GALNTL6: variants seen among roughly 807,000 people sequenced by gnomAD.
The protein encoded by GALNTL6 is polypeptide N-acetylgalactosaminyltransferase-like 6.
A neutral mutation model predicts 73.7 loss-of-function variants in GALNTL6; 46 were observed. The observed-to-expected ratio is 0.62, with a 90% CI of 0.49 to 0.80. The LOEUF is 0.80. GALNTL6 is among the 30% of genes least tolerant of loss of function. The probability of loss-of-function intolerance (pLI) is 0.00; values close to 1 mark genes in which losing one functional copy is unlikely to be tolerated. For missense variants in GALNTL6, 604 were observed against 755.0 expected, an observed-to-expected ratio of 0.80 and a Z score of 2.34; for synonymous variants, 259 against 263.7, an observed-to-expected ratio of 0.98 and a Z score of 0.17.
chr4:172,936,820 CAT>C (rs1748642636), intron 9 of GALNTL6, among the ~76,000 whole-genome samples: 1 of 151,990 alleles, frequency 6.6e-6, no homozygotes, highest in South Asian at 2.1e-4. Context: ...AGTCAAATCT[CAT>C]AAAAGCCAAA....
chr4:172,959,581 G>A (rs914653717), intron 10 of GALNTL6, among the ~76,000 whole-genome samples: 12 of 151,914 alleles, frequency 7.9e-5, no homozygotes, highest in African/African-American at 2.4e-4. Flanking sequence ...CCTGAAGATC[G>A]GCATCCTTGA....
chr4:172,127,626 CTAAG>C (rs796686576), intron 2 of GALNTL6, among the ~76,000 whole-genome samples: 2 of 152,140 alleles, frequency 1.3e-5, no homozygotes, highest in South Asian at 4.1e-4. Context: ...AGGTGATCAC[CTAAG>C]TAAGAATCTG....
chr4:172,250,743 A>C (rs1032505272), intron 3 of GALNTL6, among the ~76,000 whole-genome samples: 10 of 152,184 alleles, frequency 6.6e-5, no homozygotes, highest in Non-Finnish European at 1.5e-4. Context: ...TAAATTACCC[A>C]GTCTCAGGTA....
At chr4:172,165,943 G>A (rs988871052) in intron 2 of GALNTL6, among the ~76,000 whole-genome samples, 5 of 151,960 alleles carry the variant, frequency 3.3e-5, no homozygotes, top group South Asian at 2.1e-4. Context: ...AAAAAAAATA[G>A]CATGTATACA....
chr4:171,845,315 A>G (rs760098389), intron 2 of GALNTL6, among the ~76,000 whole-genome samples: 1 of 152,184 alleles, frequency 6.6e-6, no homozygotes, highest in Admixed American at 6.5e-5. Flanking sequence ...ATCAAAGTTG[A>G]CCGTAGGAAT....
chr4:171,892,650 C>A (rs1736795017), intron 2 of GALNTL6, among the ~76,000 whole-genome samples: 1 of 152,064 alleles, frequency 6.6e-6, no homozygotes, highest in Admixed American at 6.6e-5. Context: ...CAGCCTTGAA[C>A]TCCTGGGCTC....
chr4:171,942,237 A>AATAG (rs1425245326), intron 2 of GALNTL6, among the ~76,000 whole-genome samples: 64 of 146,462 alleles, frequency 4.4e-4, no homozygotes, highest in Admixed American at 1.4e-3. Context: ...ATAAAAAATA[A>AATAG]ATAGATAAAT....
At chr4:172,548,979 A>G (rs1343993081) in intron 5 of GALNTL6, among the ~76,000 whole-genome samples, 2 of 152,078 alleles carry the variant, frequency 1.3e-5, no homozygotes, top group East Asian at 3.8e-4. Flanking sequence ...TACTAGGTAA[A>G]TGTTTTTGTT....
At chr4:172,898,885 T>C (rs1022310113) in intron 8 of GALNTL6, among the ~76,000 whole-genome samples, 4 of 152,156 alleles carry the variant, frequency 2.6e-5, no homozygotes, top group African/African-American at 9.7e-5. Flanking sequence ...TAGTTAAACA[T>C]CAACCCCTGA....
intron 2 of GALNTL6, among the ~76,000 whole-genome samples, chr4:172,141,284 G>T (rs532330917): frequency 2.0e-5 from 3 of 152,050 alleles, no homozygotes; most frequent in East Asian, 3.9e-4. Context: ...TCTATTAGTT[G>T]CTGGGAAACA....
intron 2 of GALNTL6, among the ~76,000 whole-genome samples, chr4:171,981,106 G>T (rs1026455973): frequency 1.3e-5 from 2 of 152,182 alleles, no homozygotes; most frequent in African/African-American, 4.8e-5. Flanking sequence ...GGGGTCTTGA[G>T]GACATGCACC....
intron 2 of GALNTL6, among the ~76,000 whole-genome samples, chr4:171,985,728 A>T (rs1042449721): frequency 1.4e-4 from 21 of 149,500 alleles, no homozygotes; most frequent in African/African-American, 5.0e-4. Flanking sequence ...GAAATTTGGT[A>T]ACTCTATAAA....
At chr4:172,350,451 G>T (rs1377916387) in intron 5 of GALNTL6, among the ~76,000 whole-genome samples, 1 of 152,136 alleles carries the variant, frequency 6.6e-6, no homozygotes. Context: ...TGTCATGTTA[G>T]ATGGGAAGAA....
chr4:172,903,452 C>T (rs1182813517), intron 8 of GALNTL6, among the ~76,000 whole-genome samples: 1 of 152,038 alleles, frequency 6.6e-6, no homozygotes, highest in African/African-American at 2.4e-5. Flanking sequence ...AAAGGAAGCC[C>T]AGTAGAAGCC....
intron 3 of GALNTL6, among the ~76,000 whole-genome samples, chr4:172,245,345 A>G (rs1245781233): frequency 3.3e-5 from 5 of 152,152 alleles, no homozygotes; most frequent in Non-Finnish European, 7.4e-5. Context: ...TTGAAATTCC[A>G]TGAAGTTAGA....
At chr4:172,555,159 C>G (rs1013886404) in intron 5 of GALNTL6, among the ~76,000 whole-genome samples, 4 of 152,058 alleles carry the variant, frequency 2.6e-5, no homozygotes. Context: ...TTGGCCATAG[C>G]AGGAATTCAT....
chr4:172,106,314 G>A (rs950658437), intron 2 of GALNTL6, among the ~76,000 whole-genome samples: 1 of 152,128 alleles, frequency 6.6e-6, no homozygotes, highest in African/African-American at 2.4e-5. Context: ...AGAAGCTCTA[G>A]AATAGAGGGT....
At chr4:172,244,692 C>G (rs909150790) in intron 3 of GALNTL6, among the ~76,000 whole-genome samples, 1 of 152,078 alleles carries the variant, frequency 6.6e-6, no homozygotes. Flanking sequence ...CTTGAAGCAA[C>G]TAGCATATGT....
At chr4:172,514,223 G>A (rs1481470159) in intron 5 of GALNTL6, among the ~76,000 whole-genome samples, 4 of 152,174 alleles carry the variant, frequency 2.6e-5, no homozygotes, top group Admixed American at 2.6e-4. Context: ...AAACCATCAG[G>A]TGAGGGCAGG....
Sources: allele counts gnomAD v4.1 joint callset (sites outside exome capture counted in the v4.1 genomes callset), GRCh38; gene constraint gnomAD v4.1.1; transcripts MANE v1.5; gene names NCBI Gene and HGNC (gene_info 2026-07-23, HGNC 2026-07-21).